The following PTPRD variants were observed in gnomAD, a reference collection of about 807,000 sequenced individuals.
PTPRD encodes the protein protein tyrosine phosphatase receptor type D.
A neutral mutation model predicts 214.5 loss-of-function variants in PTPRD; 34 were observed. That is an observed-to-expected ratio of 0.16 (90% CI 0.12 to 0.21). The LOEUF (loss-of-function observed/expected upper bound fraction) is 0.21, where lower values mean the gene tolerates loss of function less well. Among genes scored for constraint, PTPRD ranks in the 10% least tolerant of loss-of-function variants. The probability of loss-of-function intolerance (pLI) is 1.00; values close to 1 mark genes in which losing one functional copy is unlikely to be tolerated. For synonymous variants in PTPRD, 1,128 were observed against 845.7 expected, an observed-to-expected ratio of 1.33 and a Z score of -5.79; for missense variants, 2,545 against 2,398.7, an observed-to-expected ratio of 1.06 and a Z score of -1.27.
intron 10 of PTPRD, among the ~76,000 whole-genome samples, chr9:9,034,169 G>A (rs913741315): frequency 1.3e-5 from 2 of 152,148 alleles, no homozygotes; most frequent in Non-Finnish European, 2.9e-5. Context: ...GATTTGGCAG[G>A]ACTAACATTT....
chr9:8,776,939 A>C (rs2095508127), intron 11 of PTPRD, among the ~76,000 whole-genome samples: 1 of 147,630 alleles, frequency 6.8e-6, no homozygotes, highest in African/African-American at 2.5e-5. Flanking sequence ...ATATGATGTA[A>C]TACATATGTA....
At chr9:9,113,373 CA>C (rs2154454473) in intron 10 of PTPRD, among the ~76,000 whole-genome samples, 1 of 152,172 alleles carries the variant, frequency 6.6e-6, no homozygotes, top group East Asian at 1.9e-4. Context: ...TGACCACACA[CA>C]AGGTACTAAC....
rs189156041 is a variant in PTPRD, at chr9:9,200,448, T to A, written c.-202-17085A>T. 3.5e-4 allele frequency among the ~76,000 whole-genome samples: 54 copies of A among 152,346 alleles called. No homozygotes were observed. In the East Asian group the frequency reaches 0.01, roughly 28 times the overall value. On this transcript the variant is annotated intron_variant, in intron 9 of 45. Coordinates refer to ENST00000381196, the MANE Select transcript of PTPRD (RefSeq NM_002839.4). ...TAAATTTCTATGAGTGAAAACAGTT[T>A]ACACTTGTTGGCTTCACCTATGAGC... is the stretch of plus-strand genomic sequence containing the variant.
chr9:9,394,689 T>C (rs1045073368), intron 9 of PTPRD, among the ~76,000 whole-genome samples: 4 of 152,098 alleles, frequency 2.6e-5, no homozygotes, highest in Non-Finnish European at 5.9e-5. Context: ...TTGAGCTCTA[T>C]TGGTGCATAG....
intron 11 of PTPRD, among the ~76,000 whole-genome samples, chr9:8,735,521 G>A (rs539814263): frequency 1.3e-5 from 2 of 152,276 alleles, no homozygotes; most frequent in African/African-American, 4.8e-5. Context: ...GGGTGATGCT[G>A]ATGCTGCCAG....
At chr9:8,975,523 A>G (rs2099263473) in intron 11 of PTPRD, among the ~76,000 whole-genome samples, 1 of 152,016 alleles carries the variant, frequency 6.6e-6, no homozygotes, top group African/African-American at 2.4e-5. Flanking sequence ...AAATGTTTAG[A>G]TATGTTTTTT....
chr9:9,716,511 A>C (rs1467190321), intron 7 of PTPRD, among the ~76,000 whole-genome samples: 3 of 151,868 alleles, frequency 2.0e-5, no homozygotes, highest in Non-Finnish European at 4.4e-5. Context: ...CCTCTCCAGC[A>C]CCTGTTGTTT....
intron 11 of PTPRD, among the ~76,000 whole-genome samples, chr9:8,840,667 A>C (rs569845616): frequency 2.2e-4 from 33 of 152,340 alleles, no homozygotes; most frequent in African/African-American, 7.7e-4. Flanking sequence ...GTGAACTACC[A>C]CTGGGGCTTA....
At chr9:8,818,538 T>A (rs900445973) in intron 11 of PTPRD, among the ~76,000 whole-genome samples, 5 of 152,184 alleles carry the variant, frequency 3.3e-5, no homozygotes, top group African/African-American at 1.2e-4. Flanking sequence ...GGTGAGGTTA[T>A]TCTCATTTTA....
At chr9:9,430,062 C>A (rs556184256) in intron 8 of PTPRD, among the ~76,000 whole-genome samples, 1 of 152,120 alleles carries the variant, frequency 6.6e-6, no homozygotes, top group Admixed American at 6.5e-5. Flanking sequence ...GGCAATCAGG[C>A]AGGAGAAAGA....
intron 4 of PTPRD, among the ~76,000 whole-genome samples, chr9:10,003,946 C>T (rs1015021989): frequency 2.0e-5 from 3 of 151,624 alleles, no homozygotes; most frequent in Admixed American, 2.0e-4. Flanking sequence ...TAAATATTGC[C>T]TTGCAAGATT....
chr9:9,238,147 G>T (rs952966897), intron 9 of PTPRD, among the ~76,000 whole-genome samples: 1 of 151,980 alleles, frequency 6.6e-6, no homozygotes, highest in African/African-American at 2.4e-5. Context: ...TCCAGGAAAG[G>T]CACTATTGAC....
At chr9:9,347,173 A>C (rs1205803721) in intron 9 of PTPRD, among the ~76,000 whole-genome samples, 1 of 152,088 alleles carries the variant, frequency 6.6e-6, no homozygotes, top group Non-Finnish European at 1.5e-5. Context: ...TGTTTGAAAC[A>C]AACATAAGCC....
chr9:9,159,968 C>A (rs1404067962), intron 10 of PTPRD, among the ~76,000 whole-genome samples: 1 of 152,100 alleles, frequency 6.6e-6, no homozygotes, highest in Non-Finnish European at 1.5e-5. Flanking sequence ...ATAGCCTTTT[C>A]CATCAGTGGT....
intron 11 of PTPRD, among the ~76,000 whole-genome samples, chr9:8,752,583 G>A (rs1381555426): frequency 1.3e-5 from 2 of 152,090 alleles, no homozygotes; most frequent in African/African-American, 4.8e-5. Flanking sequence ...TCTTGTGCGA[G>A]ACTCAAGAAC....
chr9:8,634,724 T>A, intron 13 of PTPRD, among the ~76,000 whole-genome samples: 1 of 152,172 alleles, frequency 6.6e-6, no homozygotes, highest in Non-Finnish European at 1.5e-5. Flanking sequence ...TTATTTATGA[T>A]CATTTTATGA....
In PTPRD at chr9:8,688,991, G is replaced by C. The variant is rs375160842; in HGVS notation, c.64+44789C>G. ...CTAAATTTTATAAATCAGGGCATGA[G>C]AAACTAATACAGGGGCAAAAAAGAG... On this transcript the variant is annotated intron_variant, in intron 12 of 45. Transcript: ENST00000381196. Among the ~76,000 whole-genome samples the C allele has an allele frequency of 6.9e-4, 105 of 152,298 alleles. 1 individual carries two copies. Among genetic ancestry groups the C allele is most frequent in the African/African-American group, 2.5e-3 (102 of 41,562 alleles).
chr9:10,037,580 GAAAAAAA>G (rs376794277), intron 3 of PTPRD, among the ~76,000 whole-genome samples: 1 of 83,112 alleles, frequency 1.2e-5, no homozygotes, highest in African/African-American at 3.4e-5. Context: ...TATAGCAGTG[GAAAAAAA>G]AAAAAAAAAA....
At chr9:9,577,619 A>C (rs2089329342) in intron 7 of PTPRD, among the ~76,000 whole-genome samples, 1 of 152,108 alleles carries the variant, frequency 6.6e-6, no homozygotes, top group Non-Finnish European at 1.5e-5. Flanking sequence ...CGATGTGCAT[A>C]AATAACTATT....
Sources: gnomAD v4.1 joint callset for allele counts (sites outside exome capture counted in the v4.1 genomes callset) on GRCh38, gnomAD v4.1.1 for gene constraint, MANE v1.5 for transcripts, NCBI Gene and HGNC (gene_info 2026-07-23, HGNC 2026-07-21) for gene names.